The following TFB1M variants were observed in gnomAD, a reference collection of about 807,000 sequenced individuals.
TFB1M encodes the protein dimethyladenosine transferase 1, mitochondrial.
TFB1M carries 27 observed loss-of-function variants against 31.1 expected under a neutral mutation model. The observed-to-expected ratio is 0.87, with a 90% confidence interval of 0.64 to 1.20. The LOEUF is 1.20. Ranked by LOEUF, TFB1M falls within the 50% of genes most tolerant of loss-of-function variation. TFB1M has a pLI of 0.00. For synonymous variants in TFB1M, 166 were observed against 151.8 expected (o/e 1.09, Z -0.69); for missense variants, 394 against 418.7 (o/e 0.94, Z 0.51).
chr6:155,250,287 T>C, the TFB1M span, among the ~76,000 whole-genome samples: 23 of 140,654 alleles, frequency 1.6e-4, no homozygotes, highest in Admixed American at 1.6e-3. Context: ...CTTTTTGATT[T>C]TGCCTTTTTT....
the TFB1M span, among the ~76,000 whole-genome samples, chr6:155,250,346 A>G: frequency 6.6e-6 from 1 of 151,230 alleles, no homozygotes; most frequent in Non-Finnish European, 1.5e-5. Context: ...CTTACTTATA[A>G]AACTAGTCCA....
At chr6:155,247,051 C>T in the TFB1M span, among the ~76,000 whole-genome samples, 5 of 152,316 alleles carry the variant, frequency 3.3e-5, no homozygotes, top group Admixed American at 2.6e-4. Flanking sequence ...CAGAGAGGGT[C>T]CTACTGCCAT....
chr6:155,239,919 G>C, the TFB1M span, among the ~76,000 whole-genome samples: 1 of 150,336 alleles, frequency 6.7e-6, no homozygotes, highest in African/African-American at 2.4e-5. Flanking sequence ...ATCTTCATCT[G>C]CTTCTACTCC....
rs148435515 is a variant in TFB1M at position 155,281,431 on chromosome 6, T to G, written c.666+3727A>C. ...TACTAAGTCAGAGTAGAGAATAGTG[T>G]TGAGAACTGGCTGGGCGTGGTGGCT... On this transcript the variant is annotated intron_variant, in intron 5 of 6. Transcript: ENST00000367166. Among the ~76,000 whole-genome samples the G allele has an allele frequency of 8.0e-3, 1,220 of 152,244 alleles. 17 individuals are homozygous for G. The highest frequency in any genetic ancestry group is 0.028 in the African/African-American group (1,174 of 41,560).
rs767258614 is a variant in TFB1M at position 155,297,063 on chromosome 6, C to T, written c.436G>A (p.Val146Ile). The T allele has an allele frequency of 1.9e-6, 3 of 1,613,862 alleles. No individual in the cohort carries two copies. In the South Asian group the frequency reaches 3.3e-5, roughly 18 times the overall value. The change falls in exon 4 of 7, where the codon GTT (valine) becomes ATT (isoleucine). Residue 146 changes from valine to isoleucine, a missense_variant. Around this residue, in one of 3 missense-constraint regions of TFB1M, gnomAD observed 273 missense variants for 256.4 expected, o/e 1.06. Transcript: ENST00000367166. ...VHIIGNLPFS[V>I]STPLIIKWLE... ...CACTTGATAATCAGTGGAGTTGAAA[C>T]ACTAAAAGGCAGATTTCCAATAATA... is the stretch of plus-strand genomic sequence containing the variant.
chr6:155,250,570 A>C, the TFB1M span: 4 of 1,536,016 alleles, frequency 2.6e-6, no homozygotes, highest in Middle Eastern at 6.7e-4. Flanking sequence ...TGATGGATGT[A>C]CTAGATCCCA....
chr6:155,238,461 C>T, the TFB1M span, among the ~76,000 whole-genome samples: 38 of 152,134 alleles, frequency 2.5e-4, no homozygotes, highest in Non-Finnish European at 1.0e-4. Context: ...GCAGTGCCCC[C>T]GACTCAAAAG....
rs746081297 is a variant in TFB1M at position 155,314,397 on chromosome 6, C to T, written c.32G>A (p.Arg11His). Reference protein sequence around the residue: MAASGKLSTCRLPPLPTIREI... With the variant: MAASGKLSTCHLPPLPTIREI... The stretch of plus-strand genomic sequence containing the variant: ...TCGAATCGTGGGCAACGGAGGGAGA[C>T]GGCAAGTGCTGAGTTTTCCGGAGGC... The change falls in exon 1 of 7, where the codon CGT becomes CAT. Residue 11 changes from arginine (R) to histidine (H), a missense_variant. This residue lies in a region of TFB1M where 273 missense variants were observed against 256.4 expected (regional missense o/e 1.06). Transcript: ENST00000367166. 8 of 1,614,112 alleles carry T rather than the reference C, an allele frequency of 5.0e-6. No homozygotes were observed. In the South Asian group the frequency reaches 6.6e-5, roughly 13 times the overall value.
rs201219494 is a variant in TFB1M at position 155,256,900 on chromosome 6, C to T, written c.*936G>A. ...AGGAGGAGAGCAGCCCAAACTGGTC[C>T]GGGGGCACTTCTGCCCCATTAAACG... On this transcript the variant is annotated 3_prime_UTR_variant, in exon 7 of 7. Transcript: ENST00000367166. The T allele has an allele frequency of 2.9e-5, 47 of 1,614,138 alleles. No individual in the cohort carries two copies. Among genetic ancestry groups the T allele is most frequent in the Middle Eastern group, 3.3e-4 (2 of 6,062 alleles).
At chr6:155,272,612 C>A (rs980750379) in intron 5 of TFB1M, among the ~76,000 whole-genome samples, 1 of 151,938 alleles carries the variant, frequency 6.6e-6, no homozygotes, top group African/African-American at 2.4e-5. Context: ...GTATTATACT[C>A]GTGGCTGGAG....
At chr6:155,304,355 C>T (rs1471867507) in intron 2 of TFB1M, among the ~76,000 whole-genome samples, 1 of 152,066 alleles carries the variant, frequency 6.6e-6, no homozygotes, top group African/African-American at 2.4e-5. Flanking sequence ...TCCAAAAATT[C>T]CTCAAAACAA....
downstream of TFB1M, chr6:155,253,627 T>C (rs1405534648): frequency 5.0e-6 from 1 of 200,666 alleles, no homozygotes; most frequent in Non-Finnish European, 9.9e-6. Context: ...CTCTTTTACC[T>C]CAAGTACCCC....
chr6:155,235,144 G>A, the TFB1M span, among the ~76,000 whole-genome samples: 3 of 152,242 alleles, frequency 2.0e-5, no homozygotes, highest in African/African-American at 7.2e-5. Flanking sequence ...AAGCCCTGGA[G>A]AGTCATGGTA....
downstream of TFB1M, chr6:155,252,812 T>C: frequency 1.4e-6 from 1 of 701,140 alleles, no homozygotes; most frequent in South Asian, 1.9e-5. Context: ...GCTGATTGAC[T>C]TCTGTGCCCT....
In TFB1M at chr6:155,257,449, C is replaced by T. The variant is rs1309902600; in HGVS notation, c.*387G>A. ...TGGGGAAGTCGTGATTAATAGTTTTCAAAGGGCCATTTTTTAAAATCCTCT... is the reference window on the plus strand; with the variant it reads ...TGGGGAAGTCGTGATTAATAGTTTTTAAAGGGCCATTTTTTAAAATCCTCT... On this transcript the variant is annotated 3_prime_UTR_variant, in exon 7 of 7. Coordinates refer to ENST00000367166, the MANE Select transcript of TFB1M (RefSeq NM_016020.4). 3.0e-6 allele frequency: 1 copy of T among 336,890 alleles called. No individual in the cohort carries two copies. Among genetic ancestry groups the T allele is most frequent in the South Asian group, 3.8e-5 (1 of 26,662 alleles). 20.9% of individuals were successfully genotyped at this position (336,890 alleles called of 1,614,324 possible).
At chr6:155,268,862 T>C (rs1481109697) in intron 5 of TFB1M, among the ~76,000 whole-genome samples, 1 of 149,802 alleles carries the variant, frequency 6.7e-6, no homozygotes, top group Non-Finnish European at 1.5e-5. Flanking sequence ...TTTGTTCACT[T>C]GTTTATCTGC....
chr6:155,230,078 ACCG>A, the TFB1M span, among the ~76,000 whole-genome samples: 1 of 151,894 alleles, frequency 6.6e-6, no homozygotes, highest in Non-Finnish European at 1.5e-5. Flanking sequence ...CACCTGTACC[ACCG>A]AGAGTACAAA....
At chr6:155,281,825 A>AG (rs1257405526) in intron 5 of TFB1M, among the ~76,000 whole-genome samples, 1 of 151,958 alleles carries the variant, frequency 6.6e-6, no homozygotes, top group South Asian at 2.1e-4. Flanking sequence ...AATTCATAAA[A>AG]AAAAAGACAG....
the TFB1M span, chr6:155,245,729 G>T: frequency 6.5e-7 from 1 of 1,534,588 alleles, no homozygotes; most frequent in South Asian, 1.2e-5. Context: ...GTTCTGGAGC[G>T]AGGTAAGTTG....
Sources: gnomAD v4.1 joint callset for allele counts (sites outside exome capture counted in the v4.1 genomes callset) on GRCh38, gnomAD v4.1.1 for gene constraint, gnomAD v4.1.1 regional missense constraint, MANE v1.5 for transcripts, NCBI Gene and HGNC (gene_info 2026-07-23, HGNC 2026-07-21) for gene names.